Variants in AFAP1 observed in about 807,000 individuals in gnomAD.
AFAP1 encodes actin filament associated protein 1, also known as actin filament-associated protein 1.
A neutral mutation model predicts 93.9 loss-of-function variants in AFAP1; 75 were observed. The observed-to-expected ratio is 0.80, with a 90% CI of 0.66 to 0.97. AFAP1 has a LOEUF of 0.97. Among genes scored for constraint, AFAP1 ranks in the 50% least tolerant of loss-of-function variants. The pLI, the probability that AFAP1 is intolerant of heterozygous loss-of-function variation, is 0.00. For missense variants in AFAP1, 1,201 were observed against 1,050.8 expected (o/e 1.14, Z -1.98); for synonymous variants, 517 against 430.7 (o/e 1.20, Z -2.48).
At chr4:7,933,026 A>AG in intron 1 of AFAP1, among the ~76,000 whole-genome samples, 2 of 148,932 alleles carry the variant, frequency 1.3e-5, no homozygotes, top group South Asian at 4.3e-4. Flanking sequence ...TCTCAAAAAA[A>AG]AAAAAAAAAA....
chr4:7,795,263 T>C (rs1476184812), intron 10 of AFAP1, among the ~76,000 whole-genome samples: 3 of 151,992 alleles, frequency 2.0e-5, no homozygotes, highest in African/African-American at 7.3e-5. Flanking sequence ...AGGGAAGGAG[T>C]GCCCATTAAG....
intron 1 of AFAP1, among the ~76,000 whole-genome samples, chr4:7,917,955 A>G (rs995236229): frequency 6.6e-6 from 1 of 152,252 alleles, no homozygotes; most frequent in Non-Finnish European, 1.5e-5. Context: ...TATAAAGCAA[A>G]GGACCACGGG....
In AFAP1 at chr4:7,763,095, T is replaced by TA. The variant is rs780534619; in HGVS notation, c.*669dup. 1 of 152,616 alleles carries TA rather than the reference T, an allele frequency of 6.6e-6. No individual in the cohort carries two copies. The highest frequency in any genetic ancestry group is 1.5e-5 in the Non-Finnish European group (1 of 68,038). The allele number at this position is 152,616 out of a possible 1,614,324, so 9.5% of individuals were successfully genotyped here. ...GTGACACACAGTAAAAAGACATTCC[T>TA]AAAAAACAGGTTAAGAAGAATGGCA... On this transcript the variant is annotated 3_prime_UTR_variant, in exon 18 of 18. Coordinates refer to ENST00000420658, the MANE Select transcript of AFAP1 (RefSeq NM_001134647.2).
rs1191751329 is a variant in AFAP1 at position 7,771,116 on chromosome 4, T to C, written c.2253+1704A>G. On this transcript the variant is annotated intron_variant, in intron 16 of 17. Coordinates refer to ENST00000420658, the MANE Select transcript of AFAP1 (RefSeq NM_001134647.2). The stretch of plus-strand genomic sequence containing the variant: ...GATCTGTCCGCATCTGACACCAACG[T>C]GTTTTATTGGTTTGCCTCCCTCATG... 5.9e-5 allele frequency among the ~76,000 whole-genome samples: 9 copies of C among 152,318 alleles called. No individual in the cohort carries two copies. The East Asian group carries it at 1.7e-3, about 29-fold the overall frequency.
In AFAP1 at chr4:7,810,149, C is replaced by T. The variant is rs115322959; in HGVS notation, c.905-386G>A. Among the ~76,000 whole-genome samples the T allele has an allele frequency of 8.2e-3, 1,254 of 152,338 alleles. 15 individuals are homozygous for T. The highest frequency in any genetic ancestry group is 0.02 in the Middle Eastern group (6 of 294). On this transcript the variant is annotated intron_variant, in intron 8 of 17. Transcript: ENST00000420658. ...AAGTGCTGGGATTACAGGTGTGAGCCACCGTGCCCGGCCTTTCCCTCAACT... is the reference window on the plus strand; with the variant it reads ...AAGTGCTGGGATTACAGGTGTGAGCTACCGTGCCCGGCCTTTCCCTCAACT...
chr4:7,775,928 G>A (rs1297702305), intron 14 of AFAP1: 1 of 152,192 alleles, frequency 6.6e-6, no homozygotes, highest in South Asian at 2.1e-4. Context: ...TTACAGACTT[G>A]GCAACTTCAC....
At chr4:7,830,680 C>G (rs1378598273) in intron 6 of AFAP1, among the ~76,000 whole-genome samples, 2 of 152,154 alleles carry the variant, frequency 1.3e-5, no homozygotes, top group South Asian at 2.1e-4. Context: ...CCAATCACAG[C>G]TCACTGAAAC....
At chr4:7,853,241 G>A (rs977765671) in intron 4 of AFAP1, among the ~76,000 whole-genome samples, 2 of 148,202 alleles carry the variant, frequency 1.3e-5, no homozygotes, top group Non-Finnish European at 3.0e-5. Flanking sequence ...ACTCTGCATG[G>A]GTGCCAAGTT....
rs566922472 is a variant in AFAP1 at position 7,933,339 on chromosome 4, C to T, written c.-3+6317G>A. 4.7e-5 allele frequency among the ~76,000 whole-genome samples: 7 copies of T among 149,128 alleles called. No individual in the cohort carries two copies. The South Asian group carries it at 1.5e-3, about 31-fold the overall frequency. ...CCTGTAATCACAGCACTTTGGGAGG[C>T]CAAGTTGGGCCGATCACGAGGTCAA... On this transcript the variant is annotated intron_variant, in intron 1 of 17. Coordinates refer to ENST00000420658, the MANE Select transcript of AFAP1 (RefSeq NM_001134647.2).
intron 1 of AFAP1, among the ~76,000 whole-genome samples, chr4:7,894,585 C>A (rs1024169735): frequency 6.6e-6 from 1 of 152,152 alleles, no homozygotes; most frequent in Non-Finnish European, 1.5e-5. Context: ...TTTCAGAATG[C>A]AGAATCAGGG....
chr4:7,829,232 A>C (rs976524308), intron 6 of AFAP1, among the ~76,000 whole-genome samples: 1 of 152,196 alleles, frequency 6.6e-6, no homozygotes, highest in Non-Finnish European at 1.5e-5. Flanking sequence ...TGAGAAGACT[A>C]ATACACTATC....
At chr4:7,879,627 A>G (rs1454064965) in intron 1 of AFAP1, among the ~76,000 whole-genome samples, 1 of 151,660 alleles carries the variant, frequency 6.6e-6, no homozygotes, top group African/African-American at 2.4e-5. Flanking sequence ...TATTTTATAC[A>G]TTAGAAAAGC....
At chr4:7,903,827 G>A (rs755398538) in intron 1 of AFAP1, among the ~76,000 whole-genome samples, 5 of 152,148 alleles carry the variant, frequency 3.3e-5, no homozygotes, top group African/African-American at 4.8e-5. Context: ...AAGGAGGCGG[G>A]CGGGCAGCAT....
At chr4:7,848,462 G>A (rs750532193) in intron 4 of AFAP1, among the ~76,000 whole-genome samples, 1 of 152,146 alleles carries the variant, frequency 6.6e-6, no homozygotes, top group Admixed American at 6.5e-5. Context: ...GGGGAAGTGC[G>A]GGAGGGCAGT....
At chr4:7,779,898 G>A (rs760669020) in intron 13 of AFAP1, among the ~76,000 whole-genome samples, 7 of 152,088 alleles carry the variant, frequency 4.6e-5, no homozygotes, top group African/African-American at 9.7e-5. Context: ...AAACCCAGAG[G>A]TCATGTAATT....
Position 7,838,529 on chromosome 4 carries a change from G to T in AFAP1, c.721C>A (p.Leu241Met). The T allele has an allele frequency of 6.2e-7, 1 of 1,612,400 alleles. No individual in the cohort carries two copies. The highest frequency in any genetic ancestry group is 8.5e-7 in the Non-Finnish European group (1 of 1,179,018). The stretch of plus-strand genomic sequence containing the variant: ...AAACACAGCAGACAACCTACCTTCA[G>T]CCACTGCTCGGCCTGTTCCTTGCTC... ...VQSKEQAEQW[L>M]KVIKEAYSGC... The change falls in exon 6 of 18, where the codon CTG (leucine) becomes ATG (methionine). Residue 241 changes from leucine to methionine, a missense_variant. Coordinates refer to ENST00000420658, the MANE Select transcript of AFAP1 (RefSeq NM_001134647.2).
intron 9 of AFAP1, among the ~76,000 whole-genome samples, chr4:7,808,564 G>C (rs1204750312): frequency 2.0e-5 from 3 of 152,060 alleles, no homozygotes; most frequent in Non-Finnish European, 4.4e-5. Flanking sequence ...ACTGACCGGG[G>C]AGATGGTCTG....
chr4:7,916,664 G>A (rs1720100545), intron 1 of AFAP1, among the ~76,000 whole-genome samples: 2 of 152,118 alleles, frequency 1.3e-5, no homozygotes, highest in Non-Finnish European at 2.9e-5. Flanking sequence ...ACACCTCCAG[G>A]CAGTTTGAAA....
intron 4 of AFAP1, among the ~76,000 whole-genome samples, chr4:7,855,264 T>A (rs1396747793): frequency 6.6e-6 from 1 of 152,222 alleles, no homozygotes; most frequent in Non-Finnish European, 1.5e-5. Flanking sequence ...AAGACAGCAA[T>A]CGGAAGAGAG....
Sources: gnomAD v4.1 joint callset for allele counts (sites outside exome capture counted in the v4.1 genomes callset) on GRCh38, gnomAD v4.1.1 for gene constraint, MANE v1.5 for transcripts, NCBI Gene and HGNC (gene_info 2026-07-23, HGNC 2026-07-21) for gene names.